Variants in PLA2R1 observed in about 807,000 individuals in gnomAD.
PLA2R1 encodes the protein secretory phospholipase A2 receptor.
A neutral mutation model predicts 195.9 loss-of-function variants in PLA2R1; 158 were observed. That is an observed-to-expected ratio of 0.81 (90% CI 0.71 to 0.92). The LOEUF (loss-of-function observed/expected upper bound fraction) is 0.92. Among genes scored for constraint, PLA2R1 ranks in the 40% least tolerant of loss-of-function variants. PLA2R1 has a pLI of 0.00. For synonymous variants in PLA2R1, 586 were observed against 598.2 expected, an observed-to-expected ratio of 0.98 and a Z score of 0.30; for missense variants, 1,626 against 1,764.6, an observed-to-expected ratio of 0.92 and a Z score of 1.41.
chr2:160,013,703 G>C (rs76394791), intron 9 of PLA2R1, among the ~76,000 whole-genome samples: 2,887 of 95,934 alleles, frequency 0.03, 72 homozygotes, highest in African/African-American at 0.066. Flanking sequence ...CTCTCTCTCT[G>C]TCTCTCTCTC....
Position 159,945,062 on chromosome 2 carries a change from C to CA in PLA2R1, c.3987dup (p.Asp1330Ter), listed in dbSNP as rs1207420503. The CA allele has an allele frequency of 4.3e-6, 7 of 1,611,960 alleles. No individual in the cohort carries two copies. In the East Asian group the frequency reaches 1.6e-4, roughly 36 times the overall value. On this transcript the variant is annotated frameshift_variant, in exon 28 of 30. Transcript: ENST00000283243. LOFTEE classifies it high-confidence loss of function. Reference sequence around the variant, plus strand: ...TTTGACTGGTCTGTGGGAGTTCCATCAAACCACTTTATGGTTTCATCTGTG... The same window carrying CA: ...TTTGACTGGTCTGTGGGAGTTCCATCAAAACCACTTTATGGTTTCATCTGTG...
intron 13 of PLA2R1, among the ~76,000 whole-genome samples, chr2:159,982,910 C>T (rs993150573): frequency 6.6e-6 from 1 of 152,096 alleles, no homozygotes; most frequent in Non-Finnish European, 1.5e-5. Flanking sequence ...TCACAACATC[C>T]TCAGAGGCAG....
chr2:159,955,155 TG>T, intron 23 of PLA2R1, 43 bp downstream of exon 23: 1 of 1,489,718 alleles, frequency 6.7e-7, no homozygotes, highest in Non-Finnish European at 9.3e-7. Context: ...AAGAGAAGGA[TG>T]GACTTTGGAA....
rs7590956 is a variant in PLA2R1, at chr2:160,017,112, C to T, written c.1453-400G>A. Among the ~76,000 whole-genome samples, 1,438 of 152,216 alleles carry T rather than the reference C, an allele frequency of 9.4e-3. 42 individuals are homozygous for T. The highest frequency in any genetic ancestry group is 0.052 in the East Asian group (267 of 5,178). On this transcript the variant is annotated intron_variant, in intron 8 of 29. Transcript: ENST00000283243. The stretch of plus-strand genomic sequence containing the variant: ...GTCCTAGAGTCAGTAAAAATTGGAG[C>T]TAGGATTGATACCAAGGTCAGCCTG...
rs33933112 is a variant in PLA2R1 at position 159,939,505 on chromosome 2, C to CAAAAAAAA, written c.*2265_*2272dup. 1 of 83,066 alleles carries CAAAAAAAA rather than the reference C, an allele frequency of 1.2e-5. No homozygotes were observed. The highest frequency in any genetic ancestry group is 4.1e-4 in the South Asian group (1 of 2,434). 5.1% of individuals were successfully genotyped at this position (83,066 alleles called of 1,614,324 possible). On this transcript the variant is annotated 3_prime_UTR_variant, in exon 30 of 30. Transcript: ENST00000283243. ...TGGCAACAGAGCAAGACTCCATCTC[C>CAAAAAAAA]AAAAAAAAAAAAAAAAAATGAAAAA...
chr2:160,016,476 G>GT (rs373965427), intron 9 of PLA2R1, 138 bp downstream of exon 9: 1 of 583,826 alleles, frequency 1.7e-6, no homozygotes, highest in Non-Finnish European at 3.0e-6. Flanking sequence ...AAAGAAGGGG[G>GT]GGGTGCGAGG....
intron 8 of PLA2R1, among the ~76,000 whole-genome samples, chr2:160,018,672 T>C (rs1692918565): frequency 6.7e-6 from 1 of 148,742 alleles, no homozygotes; most frequent in Non-Finnish European, 1.5e-5. Context: ...AAACAAACAT[T>C]GTGGTGGATT....
intron 1 of PLA2R1, among the ~76,000 whole-genome samples, chr2:160,054,973 C>T (rs148770842): frequency 6.6e-6 from 1 of 152,050 alleles, no homozygotes; most frequent in Admixed American, 6.6e-5. Context: ...ACAAGGGGAC[C>T]GTTTCTTCAG....
intron 12 of PLA2R1, among the ~76,000 whole-genome samples, chr2:159,986,028 A>T (rs1690302807): frequency 6.6e-6 from 1 of 152,060 alleles, no homozygotes; most frequent in African/African-American, 2.4e-5. Flanking sequence ...CTGTCATGCA[A>T]AGTGGGGCAT....
intron 11 of PLA2R1, among the ~76,000 whole-genome samples, chr2:159,990,900 G>T (rs1255023376): frequency 6.6e-6 from 1 of 151,492 alleles, no homozygotes; most frequent in Non-Finnish European, 1.5e-5. Flanking sequence ...CACTGTGCTA[G>T]GCAATTTATA....
In PLA2R1 at chr2:160,044,828, T is replaced by C. The variant is rs1180067319; in HGVS notation, c.439A>G (p.Lys147Glu). 6.2e-7 allele frequency: 1 copy of C among 1,613,886 alleles called. No individual in the cohort carries two copies. ...CCACCTGACCCATAAGAAATCCACTTATGAATATACTTCCGTGAGGCCACC... is the reference window on the plus strand; with the variant it reads ...CCACCTGACCCATAAGAAATCCACTCATGAATATACTTCCGTGAGGCCACC... ...TVVASRKYIHKWISYGSGGGD... is the reference protein window; with the variant it reads ...TVVASRKYIHEWISYGSGGGD... Residue 147 changes from lysine to glutamate, a missense_variant, in exon 2 of 30, where the codon AAG (lysine) becomes GAG (glutamate). Transcript: ENST00000283243.
intron 11 of PLA2R1, among the ~76,000 whole-genome samples, chr2:159,999,781 G>A (rs955440071): frequency 3.3e-5 from 5 of 152,072 alleles, no homozygotes; most frequent in African/African-American, 1.2e-4. Flanking sequence ...CACAGAGAGA[G>A]ACATCTCAAA....
chr2:159,941,911 A>G lies in PLA2R1; in HGVS notation c.4259T>C (p.Ile1420Thr). 1 of 1,613,944 alleles carries G rather than the reference A, an allele frequency of 6.2e-7. No homozygotes were observed. The highest frequency in any genetic ancestry group is 8.5e-7 in the Non-Finnish European group (1 of 1,179,826). Reference protein sequence around the residue: ...IVAICTLSFCIYKHNGGFFRR... With the variant: ...IVAICTLSFCTYKHNGGFFRR... ...GAAGAAGCCACCGTTATGCTTGTATATGCAGAAGGAAAGTGTGCAAATGGC... is the reference window on the plus strand; with the variant it reads ...GAAGAAGCCACCGTTATGCTTGTATGTGCAGAAGGAAAGTGTGCAAATGGC... The change falls in exon 30 of 30, where the codon ATA (isoleucine) becomes ACA (threonine). Residue 1420 changes from isoleucine to threonine, a missense_variant. By Grantham distance (89) the Ile-to-Thr change is moderately conservative. Transcript: ENST00000283243.
Position 159,951,341 on chromosome 2 carries a change from T to C in PLA2R1, c.3539A>G (p.Asp1180Gly), listed in dbSNP as rs1687729544. ...TCTCAAGGGAGTTAGGATACCTACA[T>C]CTGTGGTGAACAGTCCAATCCAGTG... ...YAHWIGLFTTDNGLNFDWSDG... is the reference protein window; with the variant it reads ...YAHWIGLFTTGNGLNFDWSDG... The change falls in exon 24 of 30, where the codon GAT (aspartate) becomes GGT (glycine). Residue 1180 changes from aspartate to glycine, a missense_variant and splice_region_variant. Physicochemically the swap from Asp to Gly is moderately conservative, Grantham distance 94 (BLOSUM62 -1). Coordinates refer to ENST00000283243, the MANE Select transcript of PLA2R1 (RefSeq NM_007366.5). The C allele has an allele frequency of 6.4e-7, 1 of 1,555,156 alleles. No individual in the cohort carries two copies. Among genetic ancestry groups the C allele is most frequent in the East Asian group, 2.2e-5 (1 of 44,602 alleles).
intron 1 of PLA2R1, among the ~76,000 whole-genome samples, chr2:160,054,659 T>C (rs1396854491): frequency 2.0e-5 from 3 of 152,252 alleles, no homozygotes; most frequent in Non-Finnish European, 4.4e-5. Flanking sequence ...AAGTTACAGA[T>C]ATTCTAATCA....
At chr2:160,028,420 T>C (rs2105505608) in intron 5 of PLA2R1, 59 bp from the exon 6 acceptor site, 1 of 1,251,124 alleles carries the variant, frequency 8.0e-7, no homozygotes, top group East Asian at 2.3e-5. Flanking sequence ...TTAATATATA[T>C]TGAAATGTGG....
At chr2:159,984,802 C>A (rs1018453906) in intron 12 of PLA2R1, among the ~76,000 whole-genome samples, 1 of 152,110 alleles carries the variant, frequency 6.6e-6, no homozygotes, top group Non-Finnish European at 1.5e-5. Flanking sequence ...AGTCCTCTTA[C>A]CCTTCTTATT....
At chr2:159,949,168 A>C (rs1291628970) in intron 25 of PLA2R1, among the ~76,000 whole-genome samples, 1 of 151,984 alleles carries the variant, frequency 6.6e-6, no homozygotes, top group Non-Finnish European at 1.5e-5. Flanking sequence ...TTCTCATCTA[A>C]TTTCCCACCC....
chr2:160,015,977 A>G (rs370781280), intron 9 of PLA2R1, among the ~76,000 whole-genome samples: 1 of 152,294 alleles, frequency 6.6e-6, no homozygotes, highest in African/African-American at 2.4e-5. Flanking sequence ...AACTAGGAAA[A>G]CCATAAGTCA....
Sources: gnomAD v4.1 joint callset for allele counts (sites outside exome capture counted in the v4.1 genomes callset) on GRCh38, gnomAD v4.1.1 for gene constraint, MANE v1.5 for transcripts, NCBI Gene and HGNC (gene_info 2026-07-23, HGNC 2026-07-21) for gene names.